Variants in DNAAF4 observed in about 807,000 individuals in gnomAD.
The protein encoded by DNAAF4 is dynein assembly factor 4, axonemal.
DNAAF4 carries 43 observed loss-of-function variants against 51.8 expected under a neutral mutation model. That is an observed-to-expected ratio of 0.83 (90% confidence interval 0.65 to 1.07). The LOEUF is 1.07. DNAAF4 is among the 50% of genes least tolerant of loss of function. The pLI, the probability that DNAAF4 is intolerant of heterozygous loss-of-function variation, is 0.00. For synonymous variants in DNAAF4, 194 were observed against 165.6 expected, an observed-to-expected ratio of 1.17 and a Z score of -1.32; for missense variants, 581 against 493.0, an observed-to-expected ratio of 1.18 and a Z score of -1.69.
At chr15:55,472,873 T>C (rs1005723552) in intron 4 of DNAAF4, among the ~76,000 whole-genome samples, 1 of 151,948 alleles carries the variant, frequency 6.6e-6, no homozygotes, top group African/African-American at 2.4e-5. Context: ...AAATAAAACA[T>C]TAGCAAACTC....
At chr15:55,488,676 A>C (rs1441521222) in intron 4 of DNAAF4, among the ~76,000 whole-genome samples, 1 of 152,234 alleles carries the variant, frequency 6.6e-6, no homozygotes, top group Non-Finnish European at 1.5e-5. Flanking sequence ...TTTGTGGAAC[A>C]GGATACTGGC....
chr15:55,471,607 G>A (rs950871281), intron 4 of DNAAF4, among the ~76,000 whole-genome samples: 3 of 151,110 alleles, frequency 2.0e-5, no homozygotes, highest in Non-Finnish European at 4.4e-5. Context: ...TCCACCTCCC[G>A]GGTTCATGCC....
intron 8 of DNAAF4, among the ~76,000 whole-genome samples, chr15:55,433,837 AT>A (rs1393855877): frequency 1.3e-5 from 1 of 78,932 alleles, no homozygotes; most frequent in South Asian, 3.0e-4. Flanking sequence ...TATTACATAT[AT>A]TATATATTAT....
At chr15:55,422,478 C>A (rs921351895) in intron 7 of DNAAF4, among the ~76,000 whole-genome samples, 91 of 152,038 alleles carry the variant, frequency 6.0e-4, no homozygotes, top group African/African-American at 2.0e-3. Context: ...GGGAAAACCA[C>A]CATTTAGAGG....
intron 4 of DNAAF4, among the ~76,000 whole-genome samples, chr15:55,468,006 A>C (rs929247700): frequency 2.6e-5 from 4 of 152,218 alleles, no homozygotes; most frequent in African/African-American, 9.6e-5. Context: ...ACTTACTTCA[A>C]TGATCAAAAT....
intron 5 of DNAAF4, among the ~76,000 whole-genome samples, chr15:55,462,211 A>T (rs2058102858): frequency 6.6e-6 from 1 of 151,954 alleles, no homozygotes; most frequent in South Asian, 2.1e-4. Flanking sequence ...TTTTTTTTTA[A>T]GACAGGGTCT....
At chr15:55,452,538 T>C (rs999205513) in intron 5 of DNAAF4, among the ~76,000 whole-genome samples, 6 of 152,294 alleles carry the variant, frequency 3.9e-5, no homozygotes, top group African/African-American at 1.4e-4. Flanking sequence ...TTACAAACTC[T>C]TCTATTTTCC....
At chr15:55,439,272 T>A (rs569788717) in intron 7 of DNAAF4, among the ~76,000 whole-genome samples, 200 bp downstream of exon 7, 40 of 152,328 alleles carry the variant, frequency 2.6e-4, no homozygotes, top group Non-Finnish European at 4.4e-5. Context: ...GGCTAATGTT[T>A]TATTTTGTTT....
intron 4 of DNAAF4, among the ~76,000 whole-genome samples, chr15:55,485,650 A>T (rs1433055833): frequency 1.3e-5 from 2 of 152,300 alleles, no homozygotes; most frequent in East Asian, 3.9e-4. Flanking sequence ...GATAAAAAAA[A>T]AATTCAAGAT....
At chr15:55,443,791 T>C (rs2057753880) in intron 6 of DNAAF4, among the ~76,000 whole-genome samples, 1 of 152,238 alleles carries the variant, frequency 6.6e-6, no homozygotes, top group African/African-American at 2.4e-5. Context: ...ATTTCTCTGA[T>C]GGCCAGTGAT....
intron 5 of DNAAF4, among the ~76,000 whole-genome samples, chr15:55,463,295 A>G (rs1595920986): frequency 6.6e-6 from 1 of 152,138 alleles, no homozygotes; most frequent in Non-Finnish European, 1.5e-5. Context: ...TTAAGGTAAT[A>G]AAAGCCATCT....
At chr15:55,460,248 T>G (rs2141486399) in intron 5 of DNAAF4, among the ~76,000 whole-genome samples, 1 of 151,184 alleles carries the variant, frequency 6.6e-6, no homozygotes, top group South Asian at 2.1e-4. Flanking sequence ...TGGTGCAGTC[T>G]CGGCTCACTG....
In DNAAF4 at chr15:55,498,400, G is replaced by A; in HGVS notation, c.-71C>T. On this transcript the variant is annotated 5_prime_UTR_variant, in exon 2 of 10. Transcript: ENST00000321149. ...CCTGCTTGGTTGCTAGGGAAGCTGG[G>A]GTTACCATGCGCCAGCCCTTCCGGG... 6.4e-7 allele frequency: 1 copy of A among 1,557,264 alleles called. No homozygotes were observed. Among genetic ancestry groups the A allele is most frequent in the Non-Finnish European group, 8.7e-7 (1 of 1,150,958 alleles).
chr15:55,464,611 AAAAC>A (rs1302669975), intron 5 of DNAAF4, among the ~76,000 whole-genome samples: 4 of 152,212 alleles, frequency 2.6e-5, no homozygotes, highest in Non-Finnish European at 5.9e-5. Flanking sequence ...CAGCAAGAAC[AAAAC>A]AAACAATCCC....
chr15:55,498,472 C>T lies in DNAAF4; in HGVS notation c.-143G>A. The stretch of plus-strand genomic sequence containing the variant: ...CGTTCCCAGCGTGCTCCGGCGCCAG[C>T]ACCTCGCGGACTCCATGCGTGACTA... On this transcript the variant is annotated 5_prime_UTR_variant, in exon 2 of 10. Transcript: ENST00000321149. The T allele has an allele frequency of 2.3e-6, 3 of 1,294,282 alleles. No individual in the cohort carries two copies. The highest frequency in any genetic ancestry group is 3.1e-6 in the Non-Finnish European group (3 of 968,840). 80.2% of individuals were successfully genotyped at this position (1,294,282 alleles called of 1,614,324 possible). A position where few individuals can be genotyped will look rare whatever the true frequency, so the allele number is the denominator to read the frequency against.
At chr15:55,433,832 CATATATT>C (rs1372714309) in intron 8 of DNAAF4, among the ~76,000 whole-genome samples, 7 of 75,112 alleles carry the variant, frequency 9.3e-5, no homozygotes, top group African/African-American at 1.6e-4. Flanking sequence ...ATATATATTA[CATATATT>C]ATATATTATA....
At chr15:55,443,229 A>T in intron 6 of DNAAF4, 2 of 1,608,508 alleles carry the variant, frequency 1.2e-6, no homozygotes, top group Middle Eastern at 1.7e-4. Flanking sequence ...AGTCCTTAAG[A>T]ATGACTTCCT....
rs1394437535 is a variant in DNAAF4, at chr15:55,439,592, A to G, written c.784-11T>C. 6.2e-7 allele frequency: 1 copy of G among 1,609,966 alleles called. No homozygotes were observed. Among genetic ancestry groups the G allele is most frequent in the African/African-American group, 1.3e-5 (1 of 74,722 alleles). On this transcript the variant is annotated splice_polypyrimidine_tract_variant and intron_variant, in intron 6 of 9. Coordinates refer to ENST00000321149, the MANE Select transcript of DNAAF4 (RefSeq NM_130810.4). The stretch of plus-strand genomic sequence containing the variant: ...TTGTTTGTGTAGCCACTAGAATGAG[A>G]AAGAAGTCTTATGAAGAATAAAAAG...
rs776607716 is a variant in DNAAF4, at chr15:55,467,112, C to A, written c.455G>T (p.Arg152Leu). The A allele has an allele frequency of 6.5e-7, 1 of 1,538,272 alleles. No individual in the cohort carries two copies. The highest frequency in any genetic ancestry group is 8.7e-7 in the Non-Finnish European group (1 of 1,146,278). Reference protein sequence around the residue: ...KKIEDMKENERIKATKALEAW... With the variant: ...KKIEDMKENELIKATKALEAW... Reference sequence around the variant, plus strand: ...TTCCAATGCTTTAGTGGCTTTTATCCGTTCATTTTCTTTCATATCTTCTAT... The same window carrying A: ...TTCCAATGCTTTAGTGGCTTTTATCAGTTCATTTTCTTTCATATCTTCTAT... The change falls in exon 5 of 10, where the codon CGG becomes CTG. Residue 152 changes from arginine to leucine, a missense_variant. Physicochemically the swap from Arg to Leu is moderately radical, Grantham distance 102. Transcript: ENST00000321149.
Sources: gnomAD v4.1 joint callset for allele counts (sites outside exome capture counted in the v4.1 genomes callset) on GRCh38, gnomAD v4.1.1 for gene constraint, MANE v1.5 for transcripts, NCBI Gene and HGNC (gene_info 2026-07-23, HGNC 2026-07-21) for gene names.